RPS4Y2: variants seen among roughly 807,000 people sequenced by gnomAD.
The protein encoded by RPS4Y2 is small ribosomal subunit protein eS4, Y isoform 2.
A neutral mutation model predicts 5.0 loss-of-function variants in RPS4Y2; 6 were observed. The ratio of observed to expected loss-of-function variants is 1.20; its 90% CI spans 0.66 to 2.37. RPS4Y2 has a LOEUF of 2.37. Among genes scored for constraint, RPS4Y2 ranks in the 30% most tolerant of loss-of-function variants. RPS4Y2 has a pLI of 0.00. For missense variants in RPS4Y2, 80 were observed against 59.5 expected, an observed-to-expected ratio of 1.34 and a Z score of -1.13; for synonymous variants, 19 against 19.9, an observed-to-expected ratio of 0.96 and a Z score of 0.12.
chrY:20,768,956 G>C lies in RPS4Y2; in HGVS notation c.512G>C (p.Ser171Thr). ...GATTTAGGGACTGGGAAGATAACCA[G>C]CTTTATCAAATTTGACACAGGTAAG... Reference protein sequence around the residue: ...QIDLGTGKITSFIKFDTGNVC... With the variant: ...QIDLGTGKITTFIKFDTGNVC... The change falls in exon 5 of 7, where the codon AGC becomes ACC. Residue 171 changes from serine (S) to threonine (T), a missense_variant. By Grantham distance (58) the Ser-to-Thr change is moderately conservative (BLOSUM62 1). Transcript: ENST00000629237. 5 of 391,191 alleles carry C rather than the reference G, an allele frequency of 1.3e-5. No individual in the cohort carries two copies. Among genetic ancestry groups the C allele is most frequent in the Non-Finnish European group, 1.8e-5 (5 of 279,089 alleles).
At chrY:20,760,197 G>A in intron 3 of RPS4Y2, 149 bp downstream of exon 3, 1 of 164,927 alleles carries the variant, frequency 6.1e-6, no homozygotes. Context: ...AGGAGAATGA[G>A]GGATAGGGAG....
chrY:20,760,039 G>A lies in RPS4Y2; in HGVS notation c.253G>A (p.Gly85Arg), dbSNP rs750014904. The change falls in exon 3 of 7, where the codon GGA becomes AGA. Residue 85 changes from glycine (G) to arginine (R), a missense_variant. Transcript: ENST00000629237. Reference protein sequence around the residue: ...KVRVDITYPAGFIDVISIEKT... With the variant: ...KVRVDITYPARFIDVISIEKT... ...TCGAGTGGACATCACATACCCTGCTGGATTCATAGGTAAGGAAAGAGTTCT... is the reference window on the plus strand; with the variant it reads ...TCGAGTGGACATCACATACCCTGCTAGATTCATAGGTAAGGAAAGAGTTCT... 5.1e-6 allele frequency: 2 copies of A among 395,075 alleles called. No individual in the cohort carries two copies. The highest frequency in any genetic ancestry group is 7.4e-5 in the Admixed American group (1 of 13,553).
chrY:20,779,438 T>G, intron 5 of RPS4Y2, 71 bp from the exon 6 acceptor site: 1 of 303,664 alleles, frequency 3.3e-6, no homozygotes, highest in South Asian at 4.1e-5. Flanking sequence ...GGTAAATTGG[T>G]TTTAAAGGAC....
At chrY:20,756,928 C>A in intron 2 of RPS4Y2, 73 bp downstream of exon 2, 1 of 257,759 alleles carries the variant, frequency 3.9e-6, no homozygotes, top group Non-Finnish European at 6.2e-6. Flanking sequence ...TTCGTGGGAA[C>A]ACTGTTTGCT....
chrY:20,779,665 A>G lies in RPS4Y2; in HGVS notation c.689A>G (p.Asn230Ser). The change falls in exon 6 of 7, where the codon AAT becomes AGT. Residue 230 changes from asparagine to serine, a missense_variant and splice_region_variant. Transcript: ENST00000629237. ...ATTTCCAACATTTTTGTCATTGGCAATGTAAGACTTGCACTCTCTTTACTA... is the reference window on the plus strand; with the variant it reads ...ATTTCCAACATTTTTGTCATTGGCAGTGTAAGACTTGCACTCTCTTTACTA... ...TRISNIFVIG[N>S]GNKPWISLPR... The G allele has an allele frequency of 5.1e-6, 2 of 394,746 alleles. No homozygotes were observed. The highest frequency in any genetic ancestry group is 7.1e-6 in the Non-Finnish European group (2 of 279,730).
In RPS4Y2 at chrY:20,759,879, A is replaced by G; in HGVS notation, c.93A>G (p.Pro31=). Residue 31 remains proline (P), a synonymous_variant, in exon 3 of 7, where the codon CCA becomes CCG. Transcript: ENST00000629237. ...ATTGTCTTCTACAGGCACCTCGTCC[A>G]TCGACAGGTCCTCACAAGCTGAGGG... ...DKLTGVFAPR[P]STGPHKLREC... 2.5e-6 allele frequency: 1 copy of G among 398,806 alleles called. No homozygotes were observed. The highest frequency in any genetic ancestry group is 3.5e-6 in the Non-Finnish European group (1 of 283,343).
chrY:20,768,883 A>G lies in RPS4Y2; in HGVS notation c.439A>G (p.Ile147Val). The G allele has an allele frequency of 2.6e-6, 1 of 387,527 alleles. No individual in the cohort carries two copies. The highest frequency in any genetic ancestry group is 3.7e-6 in the Non-Finnish European group (1 of 273,320). Residue 147 changes from isoleucine to valine, a missense_variant, in exon 5 of 7, where the codon ATT (isoleucine) becomes GTT (valine). Ile to Val is a conservative substitution (Grantham distance 29). Transcript: ENST00000629237. Reference protein sequence around the residue: ...PHLVTHDARTIRYPDPLIKVN... With the variant: ...PHLVTHDARTVRYPDPLIKVN... ...CCTGGTGACTCATGATGCTCGAACC[A>G]TTCGCTACCCAGATCCTCTCATCAA...
At position 20,756,161 on chromosome Y, in the gene RPS4Y2, G is replaced by T; in HGVS notation, c.-3G>T. On this transcript the variant is annotated 5_prime_UTR_variant, in exon 1 of 7. Coordinates refer to ENST00000629237, the MANE Select transcript of RPS4Y2 (RefSeq NM_001039567.3). Reference sequence around the variant, plus strand: ...AGGTTCTGTTCCGTCGCGGGATTTCGCCATGGTAAGACGTCTGCGTCCTAG... The same window carrying T: ...AGGTTCTGTTCCGTCGCGGGATTTCTCCATGGTAAGACGTCTGCGTCCTAG... 2.5e-6 allele frequency: 1 copy of T among 397,080 alleles called. No individual in the cohort carries two copies. Among genetic ancestry groups the T allele is most frequent in the African/African-American group, 6.1e-5 (1 of 16,340 alleles).
At position 20,756,153 on chromosome Y, in the gene RPS4Y2, G is replaced by T. The variant is rs376473093; in HGVS notation, c.-11G>T. On this transcript the variant is annotated 5_prime_UTR_variant, in exon 1 of 7. Transcript: ENST00000629237. ...AAAAGGAGAGGTTCTGTTCCGTCGC[G>T]GGATTTCGCCATGGTAAGACGTCTG... The T allele has an allele frequency of 7.5e-6, 3 of 397,351 alleles. No individual in the cohort carries two copies. In the African/African-American group the frequency reaches 1.8e-4, roughly 24 times the overall value.
At position 20,768,795 on chromosome Y, in the gene RPS4Y2, A is replaced by G; in HGVS notation, c.361-10A>G. 2 of 390,562 alleles carry G rather than the reference A, an allele frequency of 5.1e-6. No homozygotes were observed. Among genetic ancestry groups the G allele is most frequent in the Non-Finnish European group, 7.2e-6 (2 of 276,162 alleles). ...TTTACATGCTAAATTGGTTTTCCTTATGTGTATAGTACAAGTTGTGCAAAG... is the reference window on the plus strand; with the variant it reads ...TTTACATGCTAAATTGGTTTTCCTTGTGTGTATAGTACAAGTTGTGCAAAG... On this transcript the variant is annotated splice_polypyrimidine_tract_variant and intron_variant, in intron 4 of 6. Transcript: ENST00000629237.
At chrY:20,756,228 C>T in intron 1 of RPS4Y2, 62 bp downstream of exon 1, 2 of 340,061 alleles carry the variant, frequency 5.9e-6, no homozygotes, top group Admixed American at 7.5e-5. Flanking sequence ...AAGGGCCTTC[C>T]ATCTTGGCAA....
chrY:20,768,815 G>T lies in RPS4Y2; in HGVS notation c.371G>T (p.Cys124Phe). The change falls in exon 5 of 7, where the codon TGC becomes TTC. Residue 124 changes from cysteine (C) to phenylalanine (F), a missense_variant. Physicochemically the swap from Cys to Phe is radical, Grantham distance 205 (BLOSUM62 -2). Coordinates refer to ENST00000629237, the MANE Select transcript of RPS4Y2 (RefSeq NM_001039567.3). ...TCCTTATGTGTATAGTACAAGTTGT[G>T]CAAAGTGAGGAAGATTACTGTGGGG... ...ITVEEAKYKL[C>F]KVRKITVGTK... is the part of the protein sequence containing the mutation. 1 of 395,420 alleles carries T rather than the reference G, an allele frequency of 2.5e-6. No individual in the cohort carries two copies. Among genetic ancestry groups the T allele is most frequent in the Non-Finnish European group, 3.6e-6 (1 of 280,565 alleles).
In RPS4Y2 at chrY:20,768,924, G is replaced by A; in HGVS notation, c.480G>A (p.Val160=). 2.5e-6 allele frequency: 1 copy of A among 395,107 alleles called. No individual in the cohort carries two copies. Among genetic ancestry groups the A allele is most frequent in the Non-Finnish European group, 3.6e-6 (1 of 280,262 alleles). ...CTCTCATCAAGGTGAACGATACTGT[G>A]CAGATTGATTTAGGGACTGGGAAGA... ...PDPLIKVNDT[V]QIDLGTGKIT... Residue 160 remains valine (V), a synonymous_variant, in exon 5 of 7, where the codon GTG becomes GTA. Transcript: ENST00000629237.
rs780910003 is a variant in RPS4Y2 at position 20,768,994 on chromosome Y, G to T, written c.532+18G>T. 3.4e-6 allele frequency: 1 copy of T among 296,797 alleles called. No individual in the cohort carries two copies. The highest frequency in any genetic ancestry group is 9.7e-5 in the Admixed American group (1 of 10,288). 74.0% of individuals were successfully genotyped at this position (296,797 alleles called of 400,897 possible). A position where few individuals can be genotyped will look rare whatever the true frequency, so the allele number is the denominator to read the frequency against. ...TGACACAGGTAAGGTTTTTTTTGTT[G>T]TTTTTTTTTTCCCTTGTCTGTTGGC... On this transcript the variant is annotated intron_variant, in intron 5 of 6. Transcript: ENST00000629237.
chrY:20,760,051 A>G lies in RPS4Y2; in HGVS notation c.262+3A>G. 2.5e-6 allele frequency: 1 copy of G among 392,689 alleles called. No individual in the cohort carries two copies. The highest frequency in any genetic ancestry group is 3.6e-6 in the Non-Finnish European group (1 of 277,736). On this transcript the variant is annotated splice_donor_region_variant and intron_variant, in intron 3 of 6. Transcript: ENST00000629237. ...CACATACCCTGCTGGATTCATAGGT[A>G]AGGAAAGAGTTCTTTGTTTTGAAGA...
At chrY:20,756,691 C>T (rs16980548) in intron 1 of RPS4Y2, 87 bp from the exon 2 acceptor site, 12,379 of 242,614 alleles carry the variant, frequency 0.051, no homozygotes, top group African/African-American at 0.23. Flanking sequence ...CCGGTATTAC[C>T]CGTTAGCAGT....
At chrY:20,760,138 C>A in intron 3 of RPS4Y2, 90 bp downstream of exon 3, 2 of 223,343 alleles carry the variant, frequency 9.0e-6, no homozygotes, top group Non-Finnish European at 7.7e-6. Context: ...TAAGCAAAAC[C>A]CAACACTGAA....
intron 2 of RPS4Y2, 32 bp downstream of exon 2, chrY:20,756,887 A>G (rs2089431723): frequency 2.9e-6 from 1 of 344,987 alleles, no homozygotes; most frequent in Non-Finnish European, 4.3e-6. Flanking sequence ...TTTTACTCAA[A>G]AGTGCATGCT....
intron 2 of RPS4Y2, 46 bp from the exon 3 acceptor site, chrY:20,759,821 AG>A (rs761863120): frequency 1.4e-5 from 5 of 368,946 alleles, no homozygotes; most frequent in South Asian, 9.1e-5. Context: ...TGGTTATGTA[AG>A]GGGCGGATCT....
Sources: gnomAD v4.1 joint callset for allele counts on GRCh38, gnomAD v4.1.1 for gene constraint, MANE v1.5 for transcripts, NCBI Gene and HGNC (gene_info 2026-07-23, HGNC 2026-07-21) for gene names.